PARD3: variants seen among roughly 807,000 people sequenced by gnomAD.
PARD3 encodes partitioning defective 3 homolog.
Under a neutral mutation model 155.4 loss-of-function variants are expected in PARD3, and 75 were observed. The observed-to-expected ratio is 0.48, with a 90% CI of 0.40 to 0.58. PARD3 has a LOEUF of 0.58. Ranked by LOEUF, PARD3 falls within the 20% of genes least tolerant of loss-of-function variation. The probability of loss-of-function intolerance (pLI) is 0.00; values close to 1 mark genes in which losing one functional copy is unlikely to be tolerated. For missense variants in PARD3, 1,642 were observed against 1,721.7 expected (o/e 0.95, Z 0.82); for synonymous variants, 576 against 610.5 (o/e 0.94, Z 0.83).
intron 1 of PARD3, among the ~76,000 whole-genome samples, chr10:34,728,938 T>C (rs891166605): frequency 6.6e-6 from 1 of 152,216 alleles, no homozygotes; most frequent in Non-Finnish European, 1.5e-5. Flanking sequence ...ATTTCTACTG[T>C]ACCTTTTCTA....
chr10:34,198,503 T>A (rs7076817), intron 22 of PARD3, among the ~76,000 whole-genome samples: 9,682 of 151,736 alleles, frequency 0.064, 785 homozygotes, highest in African/African-American at 0.18. Context: ...TGTGTGTGTC[T>A]GTGAAGAGAT....
chr10:34,750,509 A>ACACACACC (rs1395471722), intron 1 of PARD3, among the ~76,000 whole-genome samples: 3 of 140,040 alleles, frequency 2.1e-5, no homozygotes, highest in Admixed American at 1.4e-4. Context: ...ACACACACAC[A>ACACACACC]CCCTAAGACT....
At chr10:34,510,152 G>A (rs1160234366) in intron 3 of PARD3, among the ~76,000 whole-genome samples, 3 of 152,234 alleles carry the variant, frequency 2.0e-5, no homozygotes, top group South Asian at 2.1e-4. Context: ...TCCTTCCAAC[G>A]TAGGAACAAC....
chr10:34,577,850 CTT>C (rs369876578), intron 2 of PARD3, among the ~76,000 whole-genome samples: 3 of 144,544 alleles, frequency 2.1e-5, no homozygotes, highest in African/African-American at 2.5e-5. Flanking sequence ...CTAGAATAAA[CTT>C]TTTTTTTTTT....
intron 1 of PARD3, among the ~76,000 whole-genome samples, chr10:34,813,673 T>G (rs1407233028): frequency 6.6e-6 from 1 of 152,208 alleles, no homozygotes; most frequent in African/African-American, 2.4e-5. Context: ...TCTAAAAAGC[T>G]TTTACTTCTT....
intron 2 of PARD3, among the ~76,000 whole-genome samples, chr10:34,671,304 T>C (rs1450139214): frequency 6.6e-6 from 1 of 152,182 alleles, no homozygotes; most frequent in Non-Finnish European, 1.5e-5. Flanking sequence ...AATATATCGA[T>C]AGATATTCTA....
At chr10:34,479,631 T>C (rs565897663) in intron 3 of PARD3, among the ~76,000 whole-genome samples, 5 of 152,324 alleles carry the variant, frequency 3.3e-5, no homozygotes, top group African/African-American at 1.2e-4. Context: ...GCCGGTGCCC[T>C]GTAGCCTGTC....
chr10:34,656,055 T>C (rs1786537946), intron 2 of PARD3, among the ~76,000 whole-genome samples: 2 of 152,180 alleles, frequency 1.3e-5, no homozygotes, highest in Admixed American at 1.3e-4. Flanking sequence ...ACTCACATAC[T>C]AGCAAAATGT....
At position 34,337,346 on chromosome 10, in the gene PARD3, G is replaced by A; in HGVS notation, c.2489C>T (p.Thr830Ile). The change falls in exon 17 of 25, where the codon ACA becomes ATA. Residue 830 changes from threonine to isoleucine, a missense_variant. This residue lies in a region of PARD3 where 1,529 missense variants were observed against 1,587.3 expected (regional missense o/e 0.96). Coordinates refer to ENST00000374788, the MANE Select transcript of PARD3 (RefSeq NM_001184785.2). The part of the protein sequence containing the change: ...FGRQSMSEKR[T>I]KQFSDASQLD... ...TTGACTGGCATCTGAAAATTGCTTT[G>A]TGCGTTTTTCTGACATACTCTGACG... 6.2e-7 allele frequency: 1 copy of A among 1,601,556 alleles called. No individual in the cohort carries two copies. Among genetic ancestry groups the A allele is most frequent in the Non-Finnish European group, 8.5e-7 (1 of 1,173,834 alleles).
At chr10:34,355,958 C>CAAAAAAAAAAG (rs1491326864) in intron 14 of PARD3, among the ~76,000 whole-genome samples, 1 of 116,198 alleles carries the variant, frequency 8.6e-6, no homozygotes, top group African/African-American at 4.6e-5. Flanking sequence ...AAAACAAAAC[C>CAAAAAAAAAAG]AAACAAAAAA....
In PARD3 at chr10:34,615,328, C is replaced by G. The variant is rs2091182261; in HGVS notation, c.222+80990G>C. On this transcript the variant is annotated intron_variant, in intron 2 of 24. Transcript: ENST00000374788. ...CAGAAATAAATCCACATACATGTAG[C>G]CAACTGATTTTCAACAAAGGCAAAA... Among the ~76,000 whole-genome samples the G allele has an allele frequency of 2.0e-5, 3 of 152,168 alleles. No homozygotes were observed. The South Asian group carries it at 6.2e-4, about 32-fold the overall frequency.
chr10:34,393,667 G>C (rs557005581), intron 7 of PARD3, among the ~76,000 whole-genome samples: 2 of 152,022 alleles, frequency 1.3e-5, no homozygotes, highest in East Asian at 3.9e-4. Context: ...AGGGTAGCAG[G>C]ATCACTTGAG....
intron 22 of PARD3, among the ~76,000 whole-genome samples, chr10:34,267,958 T>C (rs1955409177): frequency 6.6e-6 from 1 of 152,164 alleles, no homozygotes; most frequent in Non-Finnish European, 1.5e-5. Flanking sequence ...AAACCTGCTA[T>C]TCATAATGTT....
chr10:34,343,921 ACAC>A, intron 15 of PARD3: 1 of 981,492 alleles, frequency 1.0e-6, no homozygotes, highest in Non-Finnish European at 1.2e-6. Context: ...ATAGAAGGTA[ACAC>A]CACACATGAT....
intron 2 of PARD3, among the ~76,000 whole-genome samples, chr10:34,582,797 G>A (rs796283735): frequency 2.6e-5 from 4 of 152,336 alleles, no homozygotes; most frequent in African/African-American, 7.2e-5. Context: ...GTTTTCGCAT[G>A]AGCTTTAAGA....
rs773942 is a variant in PARD3 at position 34,459,251 on chromosome 10, C to G, written c.583-8803G>C. On this transcript the variant is annotated intron_variant, in intron 4 of 24. Transcript: ENST00000374788. ...GCGTGATCTCGGCTCACTGCAAGCACCGCATCCCGGGTTCACGCCATCCTC... is the reference window on the plus strand; with the variant it reads ...GCGTGATCTCGGCTCACTGCAAGCAGCGCATCCCGGGTTCACGCCATCCTC... Among the ~76,000 whole-genome samples the G allele has an allele frequency of 6.9e-3, 1,052 of 152,312 alleles. 11 individuals are homozygous for G. Among genetic ancestry groups the G allele is most frequent in the African/African-American group, 0.023 (974 of 41,558 alleles).
chr10:34,403,922 T>C (rs1844166814), intron 5 of PARD3, among the ~76,000 whole-genome samples: 1 of 152,160 alleles, frequency 6.6e-6, no homozygotes, highest in African/African-American at 2.4e-5. Context: ...GATTCATTAA[T>C]AATTTAAGGA....
rs77632106 is a variant in PARD3 at position 34,776,567 on chromosome 10, T to C, written c.120+38309A>G. On this transcript the variant is annotated intron_variant, in intron 1 of 24. Transcript: ENST00000374788. ...TCTTGAACAATTTTTTTTTTTTTTTTAGTAAGCAGAGGAAGGACAGCAAGG... is the reference window on the plus strand; with the variant it reads ...TCTTGAACAATTTTTTTTTTTTTTTCAGTAAGCAGAGGAAGGACAGCAAGG... Among the ~76,000 whole-genome samples, 1,302 of 151,342 alleles carry C rather than the reference T, an allele frequency of 8.6e-3. 9 individuals carry two copies. The highest frequency in any genetic ancestry group is 0.012 in the Non-Finnish European group (790 of 67,886).
At chr10:34,129,500 C>T (rs1028420773) in intron 23 of PARD3, among the ~76,000 whole-genome samples, 7 of 152,222 alleles carry the variant, frequency 4.6e-5, no homozygotes, top group African/African-American at 1.4e-4. Context: ...AAACTGAGGC[C>T]GGAAGAGCCA....
Sources: gnomAD v4.1 joint callset for allele counts (sites outside exome capture counted in the v4.1 genomes callset) on GRCh38, gnomAD v4.1.1 for gene constraint, gnomAD v4.1.1 regional missense constraint, MANE v1.5 for transcripts, NCBI Gene and HGNC (gene_info 2026-07-23, HGNC 2026-07-21) for gene names.